The following SIPA1L2 variants were observed in gnomAD, a reference collection of about 807,000 sequenced individuals.
SIPA1L2 encodes the protein signal-induced proliferation-associated 1-like protein 2.
SIPA1L2 carries 56 observed loss-of-function variants against 163.9 expected under a neutral mutation model. That is an observed-to-expected ratio of 0.34 (90% CI 0.28 to 0.43). SIPA1L2 has a LOEUF of 0.43. Ranked by LOEUF, SIPA1L2 falls within the 20% of genes least tolerant of loss-of-function variation. The pLI, the probability that SIPA1L2 is intolerant of heterozygous loss-of-function variation, is 1.00. For synonymous variants in SIPA1L2, 877 were observed against 865.7 expected (o/e 1.01, Z -0.23); for missense variants, 1,974 against 2,193.5 (o/e 0.90, Z 2.00).
chr1:232,567,342 G>T (rs1659465191), intron 2 of SIPA1L2, among the ~76,000 whole-genome samples: 1 of 152,080 alleles, frequency 6.6e-6, no homozygotes, highest in Non-Finnish European at 1.5e-5. Flanking sequence ...ATGAGAGACT[G>T]CATCTGTCAC....
At chr1:232,605,887 C>T (rs1275556187) in intron 1 of SIPA1L2, among the ~76,000 whole-genome samples, 10 of 152,196 alleles carry the variant, frequency 6.6e-5, no homozygotes, top group Admixed American at 6.5e-4. Flanking sequence ...CGTGCACTGC[C>T]TGTGCCACAG....
intron 20 of SIPA1L2, 29 bp downstream of exon 20, chr1:232,404,096 G>C (rs779188121): frequency 6.2e-7 from 1 of 1,613,704 alleles, no homozygotes; most frequent in Non-Finnish European, 8.5e-7. Flanking sequence ...CAGGATATCA[G>C]GAGCCAACGA....
Position 232,567,986 on chromosome 1 carries a change from A to G in SIPA1L2, c.-270+6188T>C, listed in dbSNP as rs141771448. Among the ~76,000 whole-genome samples, 45 of 152,358 alleles carry G rather than the reference A, an allele frequency of 3.0e-4. 1 individual carries two copies. In the East Asian group the frequency reaches 8.1e-3, roughly 27 times the overall value. On this transcript the variant is annotated intron_variant, in intron 2 of 22. Transcript: ENST00000674635. ...CAGAAGCTTCCAGACAGCTGAACAC[A>G]TGAAGGTTCCTGGAAGGTGGTATGA...
chr1:232,447,000 T>C (rs1477743900), intron 10 of SIPA1L2, among the ~76,000 whole-genome samples: 1 of 152,258 alleles, frequency 6.6e-6, no homozygotes, highest in African/African-American at 2.4e-5. Flanking sequence ...TATATGAATC[T>C]ATGTTTTCAA....
intron 2 of SIPA1L2, among the ~76,000 whole-genome samples, chr1:232,572,771 ATATATATATT>A (rs1287845643): frequency 2.6e-3 from 291 of 111,636 alleles, no homozygotes; most frequent in African/African-American, 3.3e-3. Context: ...ATATATATAT[ATATATATATT>A]TATTTATTTA....
intron 2 of SIPA1L2, among the ~76,000 whole-genome samples, chr1:232,520,017 A>G (rs1667391480): frequency 6.6e-6 from 1 of 152,200 alleles, no homozygotes; most frequent in Non-Finnish European, 1.5e-5. Flanking sequence ...AGCAACATGA[A>G]TATCTTTTCT....
intron 2 of SIPA1L2, among the ~76,000 whole-genome samples, chr1:232,573,410 A>C (rs967872049): frequency 5.9e-5 from 9 of 152,150 alleles, no homozygotes; most frequent in African/African-American, 2.2e-4. Context: ...GAAGTTTGTA[A>C]CCTGAAAACT....
In SIPA1L2 at chr1:232,465,188, G is replaced by T; in HGVS notation, c.2472C>A (p.Thr824=). The change falls in exon 9 of 23, where the codon ACC becomes ACA. Residue 824 remains threonine (T), a synonymous_variant. Transcript: ENST00000674635. This position sits in a 1 kb window ranked among gnomAD's most constrained non-coding sequence, Gnocchi z 4.1. The stretch of plus-strand genomic sequence containing the variant: ...GCGTAATGAAGCTGAACTTCACAGA[G>T]GTATCCACGGTGGCGGTTGTGACAA... ...ENFVTTATVD[T]SVKFSFITLG... 1.2e-6 allele frequency: 2 copies of T among 1,614,174 alleles called. No individual in the cohort carries two copies. The highest frequency in any genetic ancestry group is 8.5e-7 in the Non-Finnish European group (1 of 1,180,030).
intron 9 of SIPA1L2, chr1:232,462,088 A>T: frequency 2.3e-6 from 2 of 854,734 alleles, no homozygotes; most frequent in Non-Finnish European, 3.9e-6. Flanking sequence ...AGAGTGAGAG[A>T]GAGTCAACAG....
chr1:232,513,957 G>C lies in SIPA1L2; in HGVS notation c.1383C>G (p.Pro461=), dbSNP rs767641079. The C allele has an allele frequency of 5.6e-6, 9 of 1,614,154 alleles. No homozygotes were observed. Among genetic ancestry groups the C allele is most frequent in the Middle Eastern group, 1.7e-4 (1 of 6,060 alleles). ...TNAGVSVLEV[P]RENQPIHREK... The stretch of plus-strand genomic sequence containing the variant: ...CCCTGTGAATAGGCTGGTTTTCTCT[G>C]GGCACTTCCAAGACGGAGACACCTG... The change falls in exon 3 of 23, where the codon CCC becomes CCG. Residue 461 remains proline (P), a synonymous_variant. Coordinates refer to ENST00000674635, the MANE Select transcript of SIPA1L2 (RefSeq NM_020808.5).
At chr1:232,496,700 T>C (rs1216789864) in intron 3 of SIPA1L2, among the ~76,000 whole-genome samples, 2 of 152,138 alleles carry the variant, frequency 1.3e-5, no homozygotes, top group Admixed American at 6.6e-5. Context: ...CAATGGAAAA[T>C]GCATTTTTAA....
chr1:232,563,955 T>TAGTGTGTGTG, intron 2 of SIPA1L2, among the ~76,000 whole-genome samples: 1 of 116,770 alleles, frequency 8.6e-6, no homozygotes, highest in South Asian at 2.9e-4. Flanking sequence ...TTTTTTTTTT[T>TAGTGTGTGTG]CGTGTGTGTG....
chr1:232,617,508 A>G (rs2102883698), intron 1 of SIPA1L2, among the ~76,000 whole-genome samples: 1 of 152,400 alleles, frequency 6.6e-6, no homozygotes, highest in African/African-American at 2.4e-5. Context: ...CAGTGTGGTC[A>G]TATAAAGTAT....
At chr1:232,471,631 C>T (rs1038610095) in intron 7 of SIPA1L2, 103 bp from the exon 8 acceptor site, 3 of 1,100,820 alleles carry the variant, frequency 2.7e-6, no homozygotes, top group East Asian at 2.9e-5. Context: ...TTTTAAAAAG[C>T]ACAGTCATTC....
intron 1 of SIPA1L2, among the ~76,000 whole-genome samples, chr1:232,599,176 CA>C (rs1367247650): frequency 1.3e-5 from 2 of 152,130 alleles, no homozygotes; most frequent in African/African-American, 4.8e-5. Context: ...AGAATGAGGG[CA>C]GGGGTTCTGG....
At chr1:232,420,932 C>T (rs1308956382) in intron 18 of SIPA1L2, among the ~76,000 whole-genome samples, 3 of 152,220 alleles carry the variant, frequency 2.0e-5, no homozygotes, top group Non-Finnish European at 2.9e-5. Flanking sequence ...CCTGGCATAA[C>T]AAGTTTCTCA....
chr1:232,607,568 G>C (rs1049622592), intron 1 of SIPA1L2, among the ~76,000 whole-genome samples: 5 of 152,034 alleles, frequency 3.3e-5, no homozygotes, highest in Non-Finnish European at 7.4e-5. Flanking sequence ...GCTTAACCAA[G>C]AAGACAAGGA....
At chr1:232,504,908 T>G (rs917612327) in intron 3 of SIPA1L2, among the ~76,000 whole-genome samples, 2 of 152,188 alleles carry the variant, frequency 1.3e-5, no homozygotes, top group Non-Finnish European at 2.9e-5. Context: ...CCGGCTCTAG[T>G]GTTCTCTCAC....
At chr1:232,518,948 G>A (rs1319376784) in intron 2 of SIPA1L2, among the ~76,000 whole-genome samples, 1 of 152,008 alleles carries the variant, frequency 6.6e-6, no homozygotes, top group East Asian at 1.9e-4. Context: ...GGTGGTTATA[G>A]GAATATATTT....
Sources: gnomAD v4.1 joint callset for allele counts (sites outside exome capture counted in the v4.1 genomes callset) on GRCh38, gnomAD v4.1.1 for gene constraint, Gnocchi (gnomAD v3.1) non-coding constraint, MANE v1.5 for transcripts, NCBI Gene and HGNC (gene_info 2026-07-23, HGNC 2026-07-21) for gene names.